Variants in SPATA16 observed in about 807,000 individuals in gnomAD.
SPATA16 encodes the protein spermatogenesis-associated protein 16.
A neutral mutation model predicts 63.3 loss-of-function variants in SPATA16; 36 were observed. The observed-to-expected ratio is 0.57, with a 90% CI of 0.44 to 0.75. SPATA16 has a LOEUF of 0.75. Among genes scored for constraint, SPATA16 ranks in the 30% least tolerant of loss-of-function variants. The pLI is 0.00. For synonymous variants in SPATA16, 203 were observed against 216.7 expected, an observed-to-expected ratio of 0.94 and a Z score of 0.56; for missense variants, 646 against 679.3, an observed-to-expected ratio of 0.95 and a Z score of 0.54.
At chr3:172,965,663 C>T (rs897302354) in intron 5 of SPATA16, among the ~76,000 whole-genome samples, 9 of 151,630 alleles carry the variant, frequency 5.9e-5, no homozygotes, top group African/African-American at 1.9e-4. Flanking sequence ...GATGGAGTCT[C>T]GCTCTGTCAC....
chr3:172,984,968 T>C (rs1020526749), intron 4 of SPATA16, among the ~76,000 whole-genome samples: 2 of 152,224 alleles, frequency 1.3e-5, no homozygotes, highest in African/African-American at 4.8e-5. Context: ...GGAAGTTAAT[T>C]TTCCAAAAAG....
At chr3:173,010,820 C>T (rs1016114899) in intron 4 of SPATA16, among the ~76,000 whole-genome samples, 2 of 152,064 alleles carry the variant, frequency 1.3e-5, no homozygotes, top group African/African-American at 2.4e-5. Flanking sequence ...TCTGCTTGCC[C>T]TCACCTGAGA....
At chr3:173,006,565 T>G (rs1369508045) in intron 4 of SPATA16, among the ~76,000 whole-genome samples, 1 of 152,216 alleles carries the variant, frequency 6.6e-6, no homozygotes, top group Non-Finnish European at 1.5e-5. Flanking sequence ...CAGAACCACT[T>G]GTCTTGAGTC....
chr3:173,018,273 A>ATTTT (rs72021279), intron 4 of SPATA16, among the ~76,000 whole-genome samples: 1 of 137,696 alleles, frequency 7.3e-6, no homozygotes, highest in Non-Finnish European at 1.6e-5. Context: ...CACAATGTCA[A>ATTTT]TTTTTTTTTT....
At chr3:172,920,513 T>C (rs1358666966) in intron 8 of SPATA16, among the ~76,000 whole-genome samples, 1 of 152,246 alleles carries the variant, frequency 6.6e-6, no homozygotes, top group Non-Finnish European at 1.5e-5. Flanking sequence ...AATGCTTTGG[T>C]TGAGAGTAAG....
chr3:173,095,958 A>G (rs1737339973), intron 2 of SPATA16, among the ~76,000 whole-genome samples: 1 of 152,144 alleles, frequency 6.6e-6, no homozygotes, highest in African/African-American at 2.4e-5. Flanking sequence ...AAAATCTAAA[A>G]GTTTATAAGC....
chr3:173,074,992 C>CAAAA (rs35683679), intron 2 of SPATA16, among the ~76,000 whole-genome samples: 23 of 66,788 alleles, frequency 3.4e-4, no homozygotes, highest in African/African-American at 9.5e-4. Context: ...GACTCTATCT[C>CAAAA]AAAAAAAAAA....
In SPATA16 at chr3:173,117,735, T is replaced by C. The variant is rs745551391; in HGVS notation, c.-4A>G. On this transcript the variant is annotated 5_prime_UTR_variant, in exon 2 of 11. Transcript: ENST00000351008. The stretch of plus-strand genomic sequence containing the variant: ...TCCTACTGCTTCCTGCATCCATCGA[T>C]CCTGCCCAAAACTCCTGCAGGGGGG... 1.6e-5 allele frequency: 26 copies of C among 1,614,144 alleles called. No homozygotes were observed. The South Asian group carries it at 2.7e-4, about 17-fold the overall frequency.
In SPATA16 at chr3:173,117,187, T is replaced by C; in HGVS notation, c.545A>G (p.Asp182Gly). Residue 182 changes from aspartate to glycine, a missense_variant, in exon 2 of 11, where the codon GAT becomes GGT. By Grantham distance (94) the Asp-to-Gly change is moderately conservative. Transcript: ENST00000351008. Reference sequence around the variant, plus strand: ...CTTTTGTCTATAGCAAGAGCTGGCATCCTTTAAGGCTACCTGAAGCCATTT... The same window carrying C: ...CTTTTGTCTATAGCAAGAGCTGGCACCCTTTAAGGCTACCTGAAGCCATTT... ...IDKWLQVALK[D>G]ASSCYRQKKY... 1.2e-6 allele frequency: 2 copies of C among 1,614,160 alleles called. No individual in the cohort carries two copies. Among genetic ancestry groups the C allele is most frequent in the South Asian group, 1.1e-5 (1 of 91,082 alleles).
At chr3:173,019,808 G>C (rs944632343) in intron 3 of SPATA16, among the ~76,000 whole-genome samples, 1 of 152,050 alleles carries the variant, frequency 6.6e-6, no homozygotes, top group Non-Finnish European at 1.5e-5. Flanking sequence ...TATGGGACTG[G>C]ATATTTTTAC....
chr3:172,926,374 A>G (rs927526584), intron 6 of SPATA16, among the ~76,000 whole-genome samples: 1 of 152,208 alleles, frequency 6.6e-6, no homozygotes, highest in Non-Finnish European at 1.5e-5. Flanking sequence ...GTAAGAGCTA[A>G]TATTTACTGA....
intron 3 of SPATA16, among the ~76,000 whole-genome samples, chr3:173,039,909 CAG>C (rs978031432): frequency 2.6e-5 from 4 of 152,086 alleles, no homozygotes; most frequent in African/African-American, 7.2e-5. Flanking sequence ...TTAATATAAA[CAG>C]AGTGTGATCC....
At chr3:172,911,809 C>A (rs1034814006) in intron 10 of SPATA16, among the ~76,000 whole-genome samples, 2 of 152,130 alleles carry the variant, frequency 1.3e-5, no homozygotes, top group African/African-American at 4.8e-5. Context: ...CTGAATATTT[C>A]TTAGGTCCGT....
intron 5 of SPATA16, among the ~76,000 whole-genome samples, chr3:172,968,187 T>C (rs746011418): frequency 5.3e-5 from 8 of 152,242 alleles, no homozygotes; most frequent in Non-Finnish European, 8.8e-5. Flanking sequence ...AAGGCTGATG[T>C]GCAAGTGAAG....
intron 1 of SPATA16, among the ~76,000 whole-genome samples, chr3:173,126,994 C>G (rs1738244549): frequency 6.6e-6 from 1 of 152,168 alleles, no homozygotes; most frequent in Admixed American, 6.5e-5. Flanking sequence ...TATTCTCAAA[C>G]ATGTTTTAAA....
intron 4 of SPATA16, among the ~76,000 whole-genome samples, chr3:172,994,542 G>A (rs1481381380): frequency 2.0e-5 from 3 of 151,908 alleles, no homozygotes; most frequent in Non-Finnish European, 4.4e-5. Flanking sequence ...GTGTGTGTAT[G>A]TGTGTGTGTG....
chr3:172,963,505 A>C (rs1189229549), intron 5 of SPATA16, among the ~76,000 whole-genome samples: 1 of 151,942 alleles, frequency 6.6e-6, no homozygotes, highest in Non-Finnish European at 1.5e-5. Flanking sequence ...TTACTGCTAT[A>C]TAATTTTAGA....
intron 4 of SPATA16, among the ~76,000 whole-genome samples, chr3:172,978,976 G>A (rs1056753817): frequency 6.6e-6 from 1 of 152,218 alleles, no homozygotes; most frequent in Non-Finnish European, 1.5e-5. Flanking sequence ...GTTGGCTCAT[G>A]CCTGTAATCC....
At chr3:173,139,914 G>A (rs1415130577) in intron 1 of SPATA16, among the ~76,000 whole-genome samples, 1 of 152,138 alleles carries the variant, frequency 6.6e-6, no homozygotes, top group African/African-American at 2.4e-5. Flanking sequence ...GGACCCAGGA[G>A]GCAGAGGTTG....
Sources: gnomAD v4.1 joint callset for allele counts (sites outside exome capture counted in the v4.1 genomes callset) on GRCh38, gnomAD v4.1.1 for gene constraint, MANE v1.5 for transcripts, NCBI Gene and HGNC (gene_info 2026-07-23, HGNC 2026-07-21) for gene names.